Variants in HDAC9 observed in about 807,000 individuals in gnomAD.
HDAC9 encodes the protein histone deacetylase 9.
HDAC9 carries 41 observed loss-of-function variants against 139.4 expected under a neutral mutation model. That is an observed-to-expected ratio of 0.29 (90% CI 0.23 to 0.38). The LOEUF (loss-of-function observed/expected upper bound fraction) is 0.38. HDAC9 is among the 10% of genes least tolerant of loss of function. HDAC9 has a pLI of 1.00. For synonymous variants in HDAC9, 517 were observed against 476.2 expected (o/e 1.09, Z -1.12); for missense variants, 1,147 against 1,297.0 (o/e 0.88, Z 1.78).
intron 21 of HDAC9, among the ~76,000 whole-genome samples, chr7:18,853,552 T>C (rs1797456414): frequency 1.3e-5 from 2 of 152,186 alleles, no homozygotes; most frequent in African/African-American, 2.4e-5. Context: ...TCAGAACATC[T>C]TTATAAATTG....
intron 2 of HDAC9, among the ~76,000 whole-genome samples, chr7:18,270,314 A>G (rs1796277316): frequency 6.6e-6 from 1 of 150,564 alleles, no homozygotes; most frequent in South Asian, 2.1e-4. Context: ...AAAAACTGTG[A>G]CTTAGAAAAG....
intron 22 of HDAC9, among the ~76,000 whole-genome samples, chr7:18,924,271 A>G (rs1585321449): frequency 6.6e-6 from 1 of 152,128 alleles, no homozygotes; most frequent in South Asian, 2.1e-4. Context: ...AAAATCATCA[A>G]TAACAAATGT....
At chr7:18,368,089 A>G (rs539056168) in intron 1 of HDAC9, among the ~76,000 whole-genome samples, 4 of 152,130 alleles carry the variant, frequency 2.6e-5, no homozygotes, top group Non-Finnish European at 5.9e-5. Flanking sequence ...TTTATTACCA[A>G]TATCTTTTCC....
intron 2 of HDAC9, among the ~76,000 whole-genome samples, chr7:18,230,533 G>A (rs372599496): frequency 1.3e-5 from 2 of 152,132 alleles, no homozygotes; most frequent in Admixed American, 6.5e-5. Flanking sequence ...CACCCGAAAT[G>A]ACCTATTACG....
At chr7:18,850,559 T>A (rs572655141) in intron 21 of HDAC9, among the ~76,000 whole-genome samples, 1 of 152,344 alleles carries the variant, frequency 6.6e-6, no homozygotes, top group East Asian at 1.9e-4. Context: ...TCATATTGTA[T>A]TTGTCCTCAA....
At chr7:18,089,183 A>G (rs1781988700) in intron 1 of HDAC9, among the ~76,000 whole-genome samples, 1 of 151,874 alleles carries the variant, frequency 6.6e-6, no homozygotes, top group South Asian at 2.1e-4. Context: ...TTTTAAATTA[A>G]ATACCAGTTT....
intron 2 of HDAC9, among the ~76,000 whole-genome samples, chr7:18,184,435 G>A (rs950684972): frequency 3.3e-5 from 5 of 151,996 alleles, no homozygotes; most frequent in Non-Finnish European, 7.4e-5. Context: ...AGCTATCTTG[G>A]GGATGAGACC....
At chr7:18,394,415 A>G (rs1016007768) in intron 1 of HDAC9, among the ~76,000 whole-genome samples, 14 of 152,250 alleles carry the variant, frequency 9.2e-5, no homozygotes, top group African/African-American at 2.2e-4. Context: ...ATAAAATATT[A>G]TTCTTAAAAA....
In HDAC9 at chr7:18,759,375, A is replaced by C. The variant is rs548081449; in HGVS notation, c.2044-2782A>C. 1.7e-4 allele frequency among the ~76,000 whole-genome samples: 26 copies of C among 152,210 alleles called. 2 individuals carry two copies. The East Asian group carries it at 4.3e-3, about 25-fold the overall frequency. ...ATTACCGTCTGAGAACAGCAGCGAC[A>C]TTAGATTCCCAGAGGAGCGCTAACC... On this transcript the variant is annotated intron_variant, in intron 14 of 25. Coordinates refer to ENST00000686413, the MANE Select transcript of HDAC9 (RefSeq NM_178425.4).
At chr7:18,759,000 A>G (rs1789133189) in intron 14 of HDAC9, among the ~76,000 whole-genome samples, 1 of 152,194 alleles carries the variant, frequency 6.6e-6, no homozygotes, top group Non-Finnish European at 1.5e-5. Context: ...TAGAGTCAAA[A>G]GAAAGAATAA....
At chr7:18,473,327 C>G (rs973808320) in intron 1 of HDAC9, among the ~76,000 whole-genome samples, 1 of 152,198 alleles carries the variant, frequency 6.6e-6, no homozygotes, top group African/African-American at 2.4e-5. Context: ...CCAGGCATGC[C>G]TCTAACATTA....
Position 18,497,492 on chromosome 7 carries a change from A to G in HDAC9, c.22+1168A>G, listed in dbSNP as rs575646255. Among the ~76,000 whole-genome samples the G allele has an allele frequency of 6.6e-5, 10 of 152,230 alleles. No individual in the cohort carries two copies. In the South Asian group the frequency reaches 1.7e-3, roughly 25 times the overall value. On this transcript the variant is annotated intron_variant, in intron 2 of 25. Transcript: ENST00000686413. ...ATTTTAAGATCCTTCTGTTGACCCA[A>G]TCTTTTCATGGAATCAGAATAAAAT...
At chr7:18,538,099 A>T (rs1271643106) in intron 2 of HDAC9, among the ~76,000 whole-genome samples, 1 of 152,038 alleles carries the variant, frequency 6.6e-6, no homozygotes, top group South Asian at 2.1e-4. Flanking sequence ...TTCTGTAACA[A>T]TTGTCTGCTG....
intron 17 of HDAC9, among the ~76,000 whole-genome samples, chr7:18,818,010 G>A (rs1440199805): frequency 6.6e-6 from 1 of 152,242 alleles, no homozygotes; most frequent in Non-Finnish European, 1.5e-5. Flanking sequence ...AATTTGGGTA[G>A]CTGAAATTTT....
intron 12 of HDAC9, among the ~76,000 whole-genome samples, chr7:18,713,154 A>T (rs969954932): frequency 3.9e-5 from 6 of 152,344 alleles, no homozygotes; most frequent in African/African-American, 1.4e-4. Flanking sequence ...GACCACTAAA[A>T]ATAATTGTGA....
intron 12 of HDAC9, among the ~76,000 whole-genome samples, chr7:18,699,946 T>A (rs898903269): frequency 6.6e-6 from 1 of 152,168 alleles, no homozygotes; most frequent in African/African-American, 2.4e-5. Flanking sequence ...GTAAAATGAT[T>A]TTTTTTCTAT....
At chr7:18,836,239 A>G (rs1350704965) in intron 21 of HDAC9, among the ~76,000 whole-genome samples, 1 of 152,212 alleles carries the variant, frequency 6.6e-6, no homozygotes, top group African/African-American at 2.4e-5. Context: ...TTTTATTATT[A>G]AATAGTTCTC....
rs891082907 is a variant in HDAC9, at chr7:18,473,619, A to G, written c.-41-22643A>G. Among the ~76,000 whole-genome samples, 6 of 152,232 alleles carry G rather than the reference A, an allele frequency of 3.9e-5. No individual in the cohort carries two copies. The East Asian group carries it at 1.2e-3, about 29-fold the overall frequency. ...GATTATTTTGGAAATTCTTAAGGTAAAGATAAAAGACAAAACATACATCGA... is the reference window on the plus strand; with the variant it reads ...GATTATTTTGGAAATTCTTAAGGTAGAGATAAAAGACAAAACATACATCGA... On this transcript the variant is annotated intron_variant, in intron 1 of 3. Transcript: ENST00000413509.
chr7:18,432,174 A>G (rs1790738773), intron 1 of HDAC9, among the ~76,000 whole-genome samples: 1 of 152,160 alleles, frequency 6.6e-6, no homozygotes, highest in Non-Finnish European at 1.5e-5. Context: ...CCACCTATCC[A>G]TCTATCCACT....
Sources: gnomAD v4.1 joint callset for allele counts (sites outside exome capture counted in the v4.1 genomes callset) on GRCh38, gnomAD v4.1.1 for gene constraint, MANE v1.5 for transcripts, NCBI Gene and HGNC (gene_info 2026-07-23, HGNC 2026-07-21) for gene names.